Variants in RP1 observed in about 807,000 individuals in gnomAD.
RP1 encodes the protein oxygen-regulated protein 1.
Under a neutral mutation model 14.8 loss-of-function variants are expected in RP1, and 16 were observed. The observed-to-expected ratio is 1.08, with a 90% CI of 0.73 to 1.65. RP1 has a LOEUF of 1.65. RP1 is among the 40% of genes most tolerant of loss of function. The pLI, the probability that RP1 is intolerant of heterozygous loss-of-function variation, is 0.00. For missense variants in RP1, 2,631 were observed against 2,535.0 expected (o/e 1.04, Z -0.81); for synonymous variants, 876 against 883.6 (o/e 0.99, Z 0.15).
At chr8:54,683,964 G>T (rs1807493876) in intron 12 of RP1, among the ~76,000 whole-genome samples, 1 of 149,330 alleles carries the variant, frequency 6.7e-6, no homozygotes. Context: ...TTATTTTGAG[G>T]TATGTTCCTT....
At chr8:54,826,124 A>G (rs769799387) in intron 24 of RP1, among the ~76,000 whole-genome samples, 2 of 152,238 alleles carry the variant, frequency 1.3e-5, no homozygotes, top group Non-Finnish European at 2.9e-5. Flanking sequence ...GGTTGACTAG[A>G]GAAAAAGGCA....
At chr8:54,721,451 A>C (rs1270676672) in intron 16 of RP1, among the ~76,000 whole-genome samples, 1 of 152,214 alleles carries the variant, frequency 6.6e-6, no homozygotes, top group Admixed American at 6.5e-5. Flanking sequence ...CTGGAAGAGC[A>C]CAGGGAGAAA....
At chr8:54,613,929 C>A (rs1375610082), upstream of RP1, among the ~76,000 whole-genome samples, 1 of 152,154 alleles carries the variant, frequency 6.6e-6, no homozygotes, top group Non-Finnish European at 1.5e-5. Context: ...TTACTAAATG[C>A]TGTGAGGATC....
chr8:54,789,108 A>T (rs1262610667), intron 24 of RP1, among the ~76,000 whole-genome samples: 1 of 152,142 alleles, frequency 6.6e-6, no homozygotes, highest in Non-Finnish European at 1.5e-5. Context: ...GCTAGATTCT[A>T]TGGGGTCAGC....
chr8:54,639,601 A>G (rs1007353346), intron 3 of RP1, among the ~76,000 whole-genome samples: 4 of 152,186 alleles, frequency 2.6e-5, no homozygotes, highest in African/African-American at 4.8e-5. Context: ...AATTTTAGCT[A>G]TACCAGTGTG....
chr8:54,580,823 TG>T (rs1455645777), intron 1 of RP1, among the ~76,000 whole-genome samples: 1 of 151,946 alleles, frequency 6.6e-6, no homozygotes, highest in East Asian at 1.9e-4. Context: ...TTCTCCATAT[TG>T]GCCAGGCTGG....
At chr8:54,594,909 T>C (rs1348625108) in intron 1 of RP1, among the ~76,000 whole-genome samples, 1 of 152,272 alleles carries the variant, frequency 6.6e-6, no homozygotes, top group South Asian at 2.1e-4. Context: ...TGATAGCATA[T>C]AGTGGGAAGG....
exon 29 of RP1, chr8:54,870,866 A>T (rs1812574859): frequency 6.6e-6 from 1 of 152,026 alleles, no homozygotes; most frequent in African/African-American, 2.4e-5. Context: ...AAGCTTAGAG[A>T]GTGGAACAAG....
At chr8:54,588,409 C>A (rs1804978484) in intron 1 of RP1, among the ~76,000 whole-genome samples, 3 of 152,126 alleles carry the variant, frequency 2.0e-5, no homozygotes, top group African/African-American at 7.2e-5. Context: ...GAGAGGGACC[C>A]AAGGTCTGAC....
At chr8:54,692,334 T>C (rs1807735481) in intron 12 of RP1, among the ~76,000 whole-genome samples, 1 of 137,350 alleles carries the variant, frequency 7.3e-6, no homozygotes, top group Non-Finnish European at 1.5e-5. Context: ...ATATACCCAG[T>C]AATAGGATGG....
intron 6 of RP1, among the ~76,000 whole-genome samples, chr8:54,657,355 A>G (rs1476764340): frequency 6.6e-6 from 1 of 152,030 alleles, no homozygotes; most frequent in African/African-American, 2.4e-5. Flanking sequence ...ATATGTTCTG[A>G]TTTTACTTGT....
chr8:54,702,766 C>A (rs1808056475), intron 14 of RP1, among the ~76,000 whole-genome samples: 1 of 152,130 alleles, frequency 6.6e-6, no homozygotes, highest in Admixed American at 6.6e-5. Context: ...TAGTATAAAT[C>A]CTCTCGAGCT....
Position 54,579,916 on chromosome 8 carries a change from G to A in RP1, c.-13+20596G>A, listed in dbSNP as rs116037452. ...GACTGGTAGAGGCAGCCTGTCTCCT[G>A]GGAGTGCAGTGCTCTGCTCCCTCAC... is the stretch of plus-strand genomic sequence containing the variant. On this transcript the variant is annotated intron_variant, in intron 1 of 22. Coordinates refer to the RP1 transcript ENST00000636932. Among the ~76,000 whole-genome samples, 1,076 of 152,290 alleles carry A rather than the reference G, an allele frequency of 7.1e-3. 13 individuals carry two copies. The highest frequency in any genetic ancestry group is 0.024 in the African/African-American group (1,017 of 41,546).
chr8:54,831,224 A>C (rs180853033), intron 24 of RP1, among the ~76,000 whole-genome samples: 39 of 152,120 alleles, frequency 2.6e-4, no homozygotes, highest in African/African-American at 9.4e-4. Flanking sequence ...TATACCCAGC[A>C]GTGGAATGTT....
At chr8:54,810,021 A>T (rs564279012) in intron 24 of RP1, among the ~76,000 whole-genome samples, 1 of 152,216 alleles carries the variant, frequency 6.6e-6, no homozygotes, top group Non-Finnish European at 1.5e-5. Context: ...CACTAGAAAC[A>T]GTATGCCTAT....
At chr8:54,726,980 A>G (rs1375104118) in intron 17 of RP1, among the ~76,000 whole-genome samples, 1 of 152,096 alleles carries the variant, frequency 6.6e-6, no homozygotes, top group Non-Finnish European at 1.5e-5. Context: ...AAAGTATAAT[A>G]TATGATATCT....
exon 16 of RP1, chr8:54,720,129 G>A (rs1030611746): frequency 1.3e-6 from 2 of 1,521,066 alleles, no homozygotes; most frequent in Non-Finnish European, 8.8e-7. Context: ...TTGATTGTAG[G>A]GTACAGGAGA....
At position 54,700,740 on chromosome 8, in the gene RP1, G is replaced by C. The variant is rs145250652; in HGVS notation, c.1822-746G>C. Reference sequence around the variant, plus strand: ...GGGAGATTTCATTTTAGTTACTATGGGACTCATCTTGTTTCACAGAAGATT... The same window carrying C: ...GGGAGATTTCATTTTAGTTACTATGCGACTCATCTTGTTTCACAGAAGATT... On this transcript the variant is annotated intron_variant, in intron 13 of 22. Transcript: ENST00000636932. 7.0e-4 allele frequency among the ~76,000 whole-genome samples: 106 copies of C among 152,156 alleles called. 1 individual carries two copies. Among genetic ancestry groups the C allele is most frequent in the Non-Finnish European group, 1.2e-3 (83 of 68,006 alleles).
chr8:54,803,360 A>G (rs1009707120), intron 24 of RP1, among the ~76,000 whole-genome samples: 1 of 152,156 alleles, frequency 6.6e-6, no homozygotes, highest in Non-Finnish European at 1.5e-5. Context: ...ACACGGGAAA[A>G]ATGATGAACA....
Sources: gnomAD v4.1 joint callset for allele counts (sites outside exome capture counted in the v4.1 genomes callset) on GRCh38, gnomAD v4.1.1 for gene constraint, MANE v1.5 for transcripts, NCBI Gene and HGNC (gene_info 2026-07-23, HGNC 2026-07-21) for gene names.